The following HIPK2 variants were observed in gnomAD, a reference collection of about 807,000 sequenced individuals.
The protein encoded by HIPK2 is homeodomain-interacting protein kinase 2.
Under a neutral mutation model 113.7 loss-of-function variants are expected in HIPK2, and 27 were observed. The ratio of observed to expected loss-of-function variants is 0.24; its 90% CI spans 0.17 to 0.33. The LOEUF (loss-of-function observed/expected upper bound fraction) is 0.33. HIPK2 is among the 10% of genes least tolerant of loss of function. HIPK2 has a pLI of 1.00. For synonymous variants in HIPK2, 631 were observed against 642.2 expected (o/e 0.98, Z 0.26); for missense variants, 1,257 against 1,588.0 (o/e 0.79, Z 3.54).
chr7:139,716,179 C>T lies in HIPK2; in HGVS notation c.856G>A (p.Asp286Asn), dbSNP rs1795230991. ...VFEMLEQNLY[D>N]FLKQNKFSPL... ...CTAAACTTGTTTTGCTTCAGAAAGT[C>T]ATAGAGGTTCTGCTCCAACATCTCG... Residue 286 changes from aspartate to asparagine, a missense_variant, in exon 2 of 15, where the codon GAC becomes AAC. Coordinates refer to ENST00000406875, the MANE Select transcript of HIPK2 (RefSeq NM_022740.5). The surrounding 1 kb of genome is among the most constrained non-coding windows in gnomAD (Gnocchi z 9.3). 6.2e-7 allele frequency: 1 copy of T among 1,613,898 alleles called. No homozygotes were observed. Among genetic ancestry groups the T allele is most frequent in the African/African-American group, 1.3e-5 (1 of 74,904 alleles).
At chr7:139,740,347 A>G (rs1796064150) in intron 1 of HIPK2, among the ~76,000 whole-genome samples, 1 of 152,256 alleles carries the variant, frequency 6.6e-6, no homozygotes, top group Non-Finnish European at 1.5e-5. Flanking sequence ...AGAAAGAGCC[A>G]GCACCTGGCA....
chr7:139,595,943 C>T (rs1799199040), intron 12 of HIPK2, among the ~76,000 whole-genome samples: 1 of 152,154 alleles, frequency 6.6e-6, no homozygotes, highest in African/African-American at 2.4e-5. Flanking sequence ...GCTCTCGGTT[C>T]CAGTGCAAAG....
intron 2 of HIPK2, among the ~76,000 whole-genome samples, chr7:139,680,525 T>C (rs1802663498): frequency 1.3e-5 from 2 of 152,218 alleles, no homozygotes; most frequent in South Asian, 4.1e-4. Context: ...AGGGATGTTT[T>C]CAAAACTACA....
intron 2 of HIPK2, among the ~76,000 whole-genome samples, chr7:139,711,879 A>G (rs368550326): frequency 6.6e-6 from 1 of 152,376 alleles, no homozygotes; most frequent in South Asian, 2.1e-4. Context: ...TTTGGGTGTC[A>G]ACACCTGAAA....
chr7:139,700,308 G>A (rs1186565001), intron 2 of HIPK2, among the ~76,000 whole-genome samples: 1 of 152,158 alleles, frequency 6.6e-6, no homozygotes, highest in Admixed American at 6.5e-5. Flanking sequence ...AGGCTGTACC[G>A]TTGTAGTGGT....
chr7:139,704,833 G>A (rs536388776), intron 2 of HIPK2, among the ~76,000 whole-genome samples: 122 of 152,160 alleles, frequency 8.0e-4, no homozygotes, highest in African/African-American at 2.6e-3. Context: ...CTCCACCGTC[G>A]GACTACAGGA....
chr7:139,750,184 T>A (rs144751424), intron 1 of HIPK2, among the ~76,000 whole-genome samples: 1 of 152,342 alleles, frequency 6.6e-6, no homozygotes, highest in Non-Finnish European at 1.5e-5. Context: ...TATGGCCTCA[T>A]GGTTTTAGCA....
chr7:139,589,757 T>C (rs1237943061), intron 12 of HIPK2, among the ~76,000 whole-genome samples: 1 of 152,234 alleles, frequency 6.6e-6, no homozygotes, highest in Non-Finnish European at 1.5e-5. Flanking sequence ...CTGAAGAATC[T>C]GCATGTCAGT....
chr7:139,774,044 A>G (rs6972460), intron 1 of HIPK2, among the ~76,000 whole-genome samples: 15,573 of 152,218 alleles, frequency 0.1, 2,624 homozygotes, highest in African/African-American at 0.36. Context: ...TCACAGAGGG[A>G]GTAAAAAGAA....
chr7:139,597,106 C>G, intron 11 of HIPK2, 108 bp from the exon 12 acceptor site: 1 of 1,229,736 alleles, frequency 8.1e-7, no homozygotes, highest in Non-Finnish European at 1.1e-6. Context: ...CTCTGTAAAA[C>G]ACGTCAGTGG....
intron 8 of HIPK2, 149 bp downstream of exon 8, chr7:139,614,137 C>T (rs1363728116): frequency 1.4e-6 from 1 of 715,798 alleles, no homozygotes. Flanking sequence ...GAGAGGAGCC[C>T]TCTAGTTCAG....
chr7:139,696,108 A>G (rs1411044158), intron 2 of HIPK2, among the ~76,000 whole-genome samples: 1 of 152,220 alleles, frequency 6.6e-6, no homozygotes, highest in Non-Finnish European at 1.5e-5. Context: ...TGTACCCAGA[A>G]AGCCATTGAT....
rs59275931 is a variant in HIPK2 at position 139,628,819 on chromosome 7, C to T, written c.1434+134G>A. Reference sequence around the variant, plus strand: ...GTATTCTTACTAAGACTGGCTGTAACTATTTAAGGTCAAGGTCAACCACTG... The same window carrying T: ...GTATTCTTACTAAGACTGGCTGTAATTATTTAAGGTCAAGGTCAACCACTG... On this transcript the variant is annotated intron_variant, in intron 5 of 14. Coordinates refer to ENST00000406875, the MANE Select transcript of HIPK2 (RefSeq NM_022740.5). The T allele has an allele frequency of 4.4e-3, 3,099 of 705,800 alleles. 64 individuals carry two copies. Among genetic ancestry groups the T allele is most frequent in the African/African-American group, 0.042 (2,345 of 55,620 alleles). The allele number at this position is 705,800 out of a possible 1,614,324, so 43.7% of individuals were successfully genotyped here. A position where few individuals can be genotyped will look rare whatever the true frequency, so the allele number is the denominator to read the frequency against.
Position 139,758,045 on chromosome 7 carries a change from A to T in HIPK2, c.19+19560T>A, listed in dbSNP as rs186811265. Among the ~76,000 whole-genome samples the T allele has an allele frequency of 6.9e-3, 1,056 of 152,310 alleles. 10 individuals are homozygous for T. Among genetic ancestry groups the T allele is most frequent in the Non-Finnish European group, 9.1e-3 (618 of 68,026 alleles). ...AGAAAACATTGTCTTTGACGGGAAGACTCAACCTTGTAAAGATGTTAATTC... is the reference window on the plus strand; with the variant it reads ...AGAAAACATTGTCTTTGACGGGAAGTCTCAACCTTGTAAAGATGTTAATTC... On this transcript the variant is annotated intron_variant, in intron 1 of 14. Transcript: ENST00000406875.
intron 2 of HIPK2, among the ~76,000 whole-genome samples, chr7:139,670,743 CTTTCTTTCTTTCTTTCT>C (rs1340438294): frequency 5.5e-5 from 4 of 73,354 alleles, no homozygotes; most frequent in East Asian, 8.6e-4. Flanking sequence ...TTCTTTCTTT[CTTTCTTTCTTTCTTTCT>C]TTTTTTTTTT....
At position 139,614,512 on chromosome 7, in the gene HIPK2, TTAAACAAAAA is replaced by T. The variant is rs781288561; in HGVS notation, c.1783-29_1783-20del. ...AGGGAGCCTAAAGGAGTGATGGGGA[TTAAACAAAAA>T]TAAACAAAAATAAAAAATGAGGGAG... is the stretch of plus-strand genomic sequence containing the variant. On this transcript the variant is annotated intron_variant, in intron 7 of 14. Transcript: ENST00000406875. 2.2e-5 allele frequency: 29 copies of T among 1,331,222 alleles called. No individual in the cohort carries two copies. Among genetic ancestry groups the T allele is most frequent in the Middle Eastern group, 2.0e-4 (1 of 5,032 alleles). The allele number at this position is 1,331,222 out of a possible 1,614,324, so 82.5% of individuals were successfully genotyped here. A position where few individuals can be genotyped will look rare whatever the true frequency, so the allele number is the denominator to read the frequency against.
At chr7:139,738,270 T>C (rs1359501126) in intron 1 of HIPK2, among the ~76,000 whole-genome samples, 3 of 152,366 alleles carry the variant, frequency 2.0e-5, no homozygotes, top group Admixed American at 2.0e-4. Flanking sequence ...CTCTGTACCA[T>C]GTATGAGAGC....
At chr7:139,651,390 T>G (rs1186425426) in intron 2 of HIPK2, among the ~76,000 whole-genome samples, 1 of 152,214 alleles carries the variant, frequency 6.6e-6, no homozygotes, top group Non-Finnish European at 1.5e-5. Context: ...CTATTAACAT[T>G]TAGAACTCAG....
At chr7:139,637,914 C>T (rs1800865290) in intron 2 of HIPK2, among the ~76,000 whole-genome samples, 1 of 152,052 alleles carries the variant, frequency 6.6e-6, no homozygotes, top group Non-Finnish European at 1.5e-5. Context: ...CTCACACTCA[C>T]CACAGCAGGG....
Sources: gnomAD v4.1 joint callset for allele counts (sites outside exome capture counted in the v4.1 genomes callset) on GRCh38, gnomAD v4.1.1 for gene constraint, Gnocchi (gnomAD v3.1) non-coding constraint, MANE v1.5 for transcripts, NCBI Gene and HGNC (gene_info 2026-07-23, HGNC 2026-07-21) for gene names.